WWOX: variants seen among roughly 807,000 people sequenced by gnomAD.
The protein encoded by WWOX is WW domain containing oxidoreductase.
WWOX carries 69 observed loss-of-function variants against 46.2 expected under a neutral mutation model. The ratio of observed to expected loss-of-function variants is 1.49; its 90% CI spans 1.23 to 1.82. The LOEUF (loss-of-function observed/expected upper bound fraction) is 1.82. Ranked by LOEUF, WWOX falls within the 40% of genes most tolerant of loss-of-function variation. The pLI, the probability that WWOX is intolerant of heterozygous loss-of-function variation, is 0.00. For missense variants in WWOX, 919 were observed against 542.6 expected (o/e 1.69, Z -6.89); for synonymous variants, 359 against 202.6 (o/e 1.77, Z -6.56).
At chr16:78,938,657 G>C (rs904171982) in intron 8 of WWOX, among the ~76,000 whole-genome samples, 5 of 152,122 alleles carry the variant, frequency 3.3e-5, no homozygotes, top group African/African-American at 1.2e-4. Flanking sequence ...TGCATTTACT[G>C]TGTACTAACT....
intron 8 of WWOX, among the ~76,000 whole-genome samples, chr16:78,438,811 C>G (rs536303498): frequency 4.6e-5 from 7 of 152,246 alleles, no homozygotes; most frequent in African/African-American, 1.7e-4. Flanking sequence ...TGCAGCTACC[C>G]TGCTAATGGA....
chr16:78,261,776 CTATCTATCTATCTATATATATATATA>C (rs1217342506), intron 5 of WWOX, among the ~76,000 whole-genome samples: 3 of 38,370 alleles, frequency 7.8e-5, no homozygotes, highest in South Asian at 1.6e-3. Flanking sequence ...ATCTATGTAT[CTATCTATCTATCTATATATATATATA>C]TATATATATA....
At chr16:78,608,807 G>T (rs1017181942) in intron 8 of WWOX, among the ~76,000 whole-genome samples, 5 of 152,134 alleles carry the variant, frequency 3.3e-5, no homozygotes, top group Admixed American at 3.3e-4. Context: ...TGAAGTATCT[G>T]TTCCCTCCCT....
At chr16:78,812,245 A>G (rs879510154) in intron 8 of WWOX, among the ~76,000 whole-genome samples, 6 of 152,082 alleles carry the variant, frequency 3.9e-5, no homozygotes, top group African/African-American at 1.2e-4. Context: ...CATATTTAGG[A>G]TAATGCCCCA....
At chr16:78,714,645 G>A (rs183004400) in intron 8 of WWOX, among the ~76,000 whole-genome samples, 10 of 152,238 alleles carry the variant, frequency 6.6e-5, no homozygotes, top group South Asian at 2.1e-4. Flanking sequence ...TGTCCCAGGC[G>A]GAGGAAACGG....
At chr16:78,910,177 A>G (rs994154659) in intron 8 of WWOX, among the ~76,000 whole-genome samples, 1 of 152,118 alleles carries the variant, frequency 6.6e-6, no homozygotes, top group Non-Finnish European at 1.5e-5. Context: ...GGTCAGGCAT[A>G]GATAGGTGAC....
At chr16:78,119,106 A>T (rs1339662394) in intron 4 of WWOX, 1 of 152,246 alleles carries the variant, frequency 6.6e-6, no homozygotes, top group Non-Finnish European at 1.5e-5. Context: ...GCAGTCCTGA[A>T]TGCTAACCAG....
chr16:78,451,616 T>G (rs891235795), intron 8 of WWOX, among the ~76,000 whole-genome samples: 5 of 152,188 alleles, frequency 3.3e-5, no homozygotes, highest in African/African-American at 1.2e-4. Flanking sequence ...ATGGGGAAAG[T>G]AGCTCCCACA....
chr16:78,312,720 C>G (rs552572285), intron 5 of WWOX, among the ~76,000 whole-genome samples: 1 of 152,162 alleles, frequency 6.6e-6, no homozygotes, highest in African/African-American at 2.4e-5. Flanking sequence ...TAGGATTTCT[C>G]TGCATTGGAG....
intron 5 of WWOX, among the ~76,000 whole-genome samples, chr16:78,205,266 G>C (rs2036355039): frequency 6.6e-6 from 1 of 152,294 alleles, no homozygotes; most frequent in African/African-American, 2.4e-5. Flanking sequence ...CTGTTGAAAA[G>C]AGATGGGGAG....
chr16:78,780,921 C>G (rs2050309036), intron 8 of WWOX, among the ~76,000 whole-genome samples: 2 of 152,164 alleles, frequency 1.3e-5, no homozygotes, highest in African/African-American at 4.8e-5. Context: ...AGCATGGGTT[C>G]AGAGAGCAGC....
At chr16:78,290,363 T>C (rs1196567382) in intron 5 of WWOX, among the ~76,000 whole-genome samples, 1 of 127,846 alleles carries the variant, frequency 7.8e-6, no homozygotes, top group African/African-American at 2.9e-5. Flanking sequence ...TCTAGAAACA[T>C]AGAGTTGTTT....
intron 8 of WWOX, among the ~76,000 whole-genome samples, chr16:79,208,760 A>C (rs2051609453): frequency 6.6e-6 from 1 of 152,222 alleles, no homozygotes; most frequent in South Asian, 2.1e-4. Flanking sequence ...TGGTGAGCCA[A>C]AAATGAGAAC....
At chr16:78,605,845 G>T (rs992319026) in intron 8 of WWOX, among the ~76,000 whole-genome samples, 17 of 152,132 alleles carry the variant, frequency 1.1e-4, no homozygotes, top group African/African-American at 4.1e-4. Flanking sequence ...GTGTGTGTGT[G>T]TTGTTCTTTT....
chr16:78,903,966 G>C (rs1031832601), intron 8 of WWOX, among the ~76,000 whole-genome samples: 2 of 152,166 alleles, frequency 1.3e-5, no homozygotes, highest in Admixed American at 6.5e-5. Flanking sequence ...AATGAATGGA[G>C]ACTCCTTGTG....
At chr16:79,210,126 C>G (rs1054691499) in intron 8 of WWOX, among the ~76,000 whole-genome samples, 3 of 152,210 alleles carry the variant, frequency 2.0e-5, no homozygotes, top group East Asian at 1.9e-4. Flanking sequence ...CTTTGTCTCA[C>G]TCACGGTCCA....
At chr16:79,074,408 C>CTTTTTTTTTTTTTTTTTT (rs1186773193) in intron 8 of WWOX, among the ~76,000 whole-genome samples, 1 of 63,568 alleles carries the variant, frequency 1.6e-5, no homozygotes. Flanking sequence ...TGTCACTAGT[C>CTTTTTTTTTTTTTTTTTT]CTTTTTTTTT....
At chr16:78,136,588 C>T (rs1010306737) in intron 4 of WWOX, among the ~76,000 whole-genome samples, 1 of 152,184 alleles carries the variant, frequency 6.6e-6, no homozygotes, top group Non-Finnish European at 1.5e-5. Context: ...CCGTGTTATT[C>T]TTAAATTACA....
At chr16:78,361,643 C>G (rs2081412062) in intron 5 of WWOX, among the ~76,000 whole-genome samples, 1 of 152,056 alleles carries the variant, frequency 6.6e-6, no homozygotes, top group South Asian at 2.1e-4. Flanking sequence ...CAAAGTTTCA[C>G]TCCTGTCGCC....
Sources: allele counts gnomAD v4.1 joint callset (sites outside exome capture counted in the v4.1 genomes callset), GRCh38; gene constraint gnomAD v4.1.1; transcripts MANE v1.5; gene names NCBI Gene and HGNC (gene_info 2026-07-23, HGNC 2026-07-21).